Variants in PTPRD observed in about 807,000 individuals in gnomAD.
The protein encoded by PTPRD is receptor-type tyrosine-protein phosphatase delta.
PTPRD carries 34 observed loss-of-function variants against 214.5 expected under a neutral mutation model. The observed-to-expected ratio is 0.16, with a 90% CI of 0.12 to 0.21. The LOEUF (loss-of-function observed/expected upper bound fraction) is 0.21. Ranked by LOEUF, PTPRD falls within the 10% of genes least tolerant of loss-of-function variation. The pLI is 1.00. For missense variants in PTPRD, 2,545 were observed against 2,398.7 expected (o/e 1.06, Z -1.27); for synonymous variants, 1,128 against 845.7 (o/e 1.33, Z -5.79).
intron 35 of PTPRD, among the ~76,000 whole-genome samples, chr9:8,428,709 GTTT>G (rs763609614): frequency 5.3e-5 from 8 of 152,190 alleles, no homozygotes; most frequent in Non-Finnish European, 8.8e-5. Flanking sequence ...TTGGTTTCTT[GTTT>G]TTGTTTGTAT....
intron 12 of PTPRD, among the ~76,000 whole-genome samples, chr9:8,726,022 G>GACACACACACAC (rs772550242): frequency 1.9e-4 from 26 of 140,138 alleles, no homozygotes; most frequent in African/African-American, 6.4e-4. Context: ...CAGACAGACA[G>GACACACACACAC]ACAGACACAC....
chr9:9,788,397 A>G (rs1053122185), intron 5 of PTPRD, among the ~76,000 whole-genome samples: 1 of 151,392 alleles, frequency 6.6e-6, no homozygotes, highest in East Asian at 2.0e-4. Context: ...TAAAAATACA[A>G]AAAAATTACC....
At chr9:8,720,763 G>C (rs1180500355) in intron 12 of PTPRD, among the ~76,000 whole-genome samples, 1 of 152,078 alleles carries the variant, frequency 6.6e-6, no homozygotes, top group Non-Finnish European at 1.5e-5. Flanking sequence ...TGTGTAAGCT[G>C]TGACTGTGAC....
intron 2 of PTPRD, among the ~76,000 whole-genome samples, chr9:10,392,119 T>C (rs1386043094): frequency 6.6e-6 from 1 of 151,946 alleles, no homozygotes; most frequent in African/African-American, 2.4e-5. Context: ...TTGTCTCTTC[T>C]TCTGTAATGT....
chr9:9,662,188 T>A (rs2096634383), intron 7 of PTPRD, among the ~76,000 whole-genome samples: 1 of 151,684 alleles, frequency 6.6e-6, no homozygotes, highest in African/African-American at 2.4e-5. Context: ...GAAGGCAGTC[T>A]CAGTTCCAGT....
chr9:9,855,623 T>A (rs976632181), intron 5 of PTPRD, among the ~76,000 whole-genome samples: 14 of 152,138 alleles, frequency 9.2e-5, no homozygotes, highest in Non-Finnish European at 2.9e-5. Flanking sequence ...AAGCGGGAAC[T>A]GGAGTGCAGA....
In PTPRD at chr9:9,553,132, G is replaced by A. The variant is rs186344754; in HGVS notation, c.-237+21600C>T. 3.3e-5 allele frequency among the ~76,000 whole-genome samples: 5 copies of A among 152,174 alleles called. No homozygotes were observed. In the East Asian group the frequency reaches 9.7e-4, roughly 29 times the overall value. On this transcript the variant is annotated intron_variant, in intron 8 of 45. Coordinates refer to ENST00000381196, the MANE Select transcript of PTPRD (RefSeq NM_002839.4). ...AATGTCTGGGAAGATAGTTTGTAAT[G>A]TAGCTTACTGCAGTCGCCTGCTCCT... is the stretch of plus-strand genomic sequence containing the variant.
intron 9 of PTPRD, among the ~76,000 whole-genome samples, chr9:9,268,217 A>G (rs2132576892): frequency 6.6e-6 from 1 of 151,382 alleles, no homozygotes; most frequent in East Asian, 2.0e-4. Flanking sequence ...CTGTATACTA[A>G]GAATGAACTC....
chr9:8,613,043 T>C (rs1265856702), intron 14 of PTPRD, among the ~76,000 whole-genome samples: 1 of 152,150 alleles, frequency 6.6e-6, no homozygotes, highest in Non-Finnish European at 1.5e-5. Context: ...CAACATTCTG[T>C]CAATAACAAA....
At chr9:9,652,225 T>A (rs540912817) in intron 7 of PTPRD, among the ~76,000 whole-genome samples, 1 of 152,168 alleles carries the variant, frequency 6.6e-6, no homozygotes, top group African/African-American at 2.4e-5. Flanking sequence ...TCTTACTATC[T>A]GCTGGCTTGG....
intron 8 of PTPRD, among the ~76,000 whole-genome samples, chr9:9,536,259 C>T (rs1397000497): frequency 6.6e-6 from 1 of 151,942 alleles, no homozygotes; most frequent in Non-Finnish European, 1.5e-5. Flanking sequence ...CATTCCCGGC[C>T]CGTACCTCAG....
chr9:8,586,627 G>A (rs72696692), intron 14 of PTPRD, among the ~76,000 whole-genome samples: 268 of 152,286 alleles, frequency 1.8e-3, no homozygotes, highest in Middle Eastern at 3.4e-3. Flanking sequence ...AAATCAAGAT[G>A]AGAATCCATA....
intron 9 of PTPRD, among the ~76,000 whole-genome samples, chr9:9,225,505 T>A (rs2099958850): frequency 6.6e-6 from 1 of 152,078 alleles, no homozygotes; most frequent in South Asian, 2.1e-4. Flanking sequence ...GCCAAATTCC[T>A]TGTGCTACAA....
chr9:10,321,563 A>C (rs545916558), intron 3 of PTPRD, among the ~76,000 whole-genome samples: 64 of 152,234 alleles, frequency 4.2e-4, no homozygotes, highest in African/African-American at 1.5e-3. Flanking sequence ...TTTCATTTCA[A>C]ATCAGAGCAA....
At position 9,270,553 on chromosome 9, in the gene PTPRD, A is replaced by G. The variant is rs139613626; in HGVS notation, c.-202-87190T>C. ...TGGCTGAGTGTGAACTACAGAGTAT[A>G]ATGTGCTCATGCTGGTGAGTTAGGA... On this transcript the variant is annotated intron_variant, in intron 9 of 45. Coordinates refer to ENST00000381196, the MANE Select transcript of PTPRD (RefSeq NM_002839.4). Among the ~76,000 whole-genome samples the G allele has an allele frequency of 5.9e-4, 90 of 151,480 alleles. 1 individual carries two copies. In the East Asian group the frequency reaches 0.011, roughly 18 times the overall value.
chr9:9,692,933 T>G (rs2097300958), intron 7 of PTPRD, among the ~76,000 whole-genome samples: 1 of 152,094 alleles, frequency 6.6e-6, no homozygotes, highest in Non-Finnish European at 1.5e-5. Flanking sequence ...TTGTTCACTG[T>G]TGGCATATAG....
At chr9:10,255,502 G>A (rs2093182691) in intron 3 of PTPRD, among the ~76,000 whole-genome samples, 1 of 152,170 alleles carries the variant, frequency 6.6e-6, no homozygotes, top group Non-Finnish European at 1.5e-5. Context: ...CATGAATGGA[G>A]GCTATAGGAC....
At chr9:10,365,036 T>C (rs1027442450) in intron 2 of PTPRD, among the ~76,000 whole-genome samples, 5 of 152,184 alleles carry the variant, frequency 3.3e-5, no homozygotes, top group Non-Finnish European at 7.3e-5. Flanking sequence ...CAATTCTCTC[T>C]TTTTTTCTTT....
intron 23 of PTPRD, among the ~76,000 whole-genome samples, chr9:8,502,071 G>A (rs13296910): frequency 0.11 from 16,615 of 152,024 alleles, 948 homozygotes; most frequent in East Asian, 0.16. Context: ...ATTAGAATTA[G>A]AAGACATACT....
Sources: allele counts gnomAD v4.1 joint callset (sites outside exome capture counted in the v4.1 genomes callset), GRCh38; gene constraint gnomAD v4.1.1; transcripts MANE v1.5; gene names NCBI Gene and HGNC (gene_info 2026-07-23, HGNC 2026-07-21).